The following KIAA1549 variants were observed in gnomAD, a reference collection of about 807,000 sequenced individuals.
KIAA1549 encodes the protein KIAA1549, also known as UPF0606 protein KIAA1549.
A neutral mutation model predicts 156.4 loss-of-function variants in KIAA1549; 70 were observed. That is an observed-to-expected ratio of 0.45 (90% CI 0.37 to 0.55). The LOEUF (loss-of-function observed/expected upper bound fraction) is 0.55. Ranked by LOEUF, KIAA1549 falls within the 20% of genes least tolerant of loss-of-function variation. KIAA1549 has a pLI of 0.00. For missense variants in KIAA1549, 2,428 were observed against 2,540.9 expected (o/e 0.96, Z 0.96); for synonymous variants, 1,103 against 1,066.4 (o/e 1.03, Z -0.67).
intron 1 of KIAA1549, among the ~76,000 whole-genome samples, chr7:138,927,438 G>C (rs1202876930): frequency 6.6e-6 from 1 of 152,220 alleles, no homozygotes; most frequent in African/African-American, 2.4e-5. Context: ...AAGAGATCGA[G>C]ACCATCCTGG....
At chr7:138,928,021 C>T (rs564981914) in intron 1 of KIAA1549, among the ~76,000 whole-genome samples, 82 of 149,476 alleles carry the variant, frequency 5.5e-4, no homozygotes, top group African/African-American at 1.5e-3. Context: ...CCTGGGTTCA[C>T]GCCATTCTCC....
At chr7:138,860,122 G>A (rs1810530235) in intron 16 of KIAA1549, among the ~76,000 whole-genome samples, 1 of 152,210 alleles carries the variant, frequency 6.6e-6, no homozygotes, top group South Asian at 2.1e-4. Context: ...GGTTTGTTCT[G>A]TACCATGCAT....
At chr7:138,921,289 T>C (rs1812556687) in intron 1 of KIAA1549, among the ~76,000 whole-genome samples, 1 of 152,228 alleles carries the variant, frequency 6.6e-6, no homozygotes, top group Non-Finnish European at 1.5e-5. Flanking sequence ...CTTTTCCCTG[T>C]TGAACTCTCC....
chr7:138,866,050 C>A (rs575641811), intron 15 of KIAA1549, among the ~76,000 whole-genome samples: 1 of 152,278 alleles, frequency 6.6e-6, no homozygotes, highest in African/African-American at 2.4e-5. Flanking sequence ...TGCCCAAATA[C>A]CCCCAGAACC....
At position 138,871,366 on chromosome 7, in the gene KIAA1549, G is replaced by C. The variant is rs1263156176; in HGVS notation, c.4346-4C>G. 1 of 1,507,956 alleles carries C rather than the reference G, an allele frequency of 6.6e-7. No individual in the cohort carries two copies. Among genetic ancestry groups the C allele is most frequent in the East Asian group, 2.4e-5 (1 of 41,630 alleles). The allele number at this position is 1,507,956 out of a possible 1,614,324, so 93.4% of individuals were successfully genotyped here. ...CCCGAACTGGGCAGTGGTGGCCCTG[G>C]AACAGAAGGAAAAGCAAAACACATA... On this transcript the variant is annotated splice_polypyrimidine_tract_variant and splice_region_variant and intron_variant, in intron 12 of 19. Transcript: ENST00000422774.
In KIAA1549 at chr7:138,864,380, C is replaced by T. The variant is rs564036486; in HGVS notation, c.4930-2924G>A. Among the ~76,000 whole-genome samples, 10 of 152,260 alleles carry T rather than the reference C, an allele frequency of 6.6e-5. No homozygotes were observed. In the South Asian group the frequency reaches 2.1e-3, roughly 32 times the overall value. On this transcript the variant is annotated intron_variant, in intron 15 of 19. Transcript: ENST00000422774. Reference sequence around the variant, plus strand: ...GACAGTCCCCTTGGATTCCCAATGGCCCCCGTGAATCCTGCCAGAAGGCCA... The same window carrying T: ...GACAGTCCCCTTGGATTCCCAATGGTCCCCGTGAATCCTGCCAGAAGGCCA...
rs894212606 is a variant in KIAA1549 at position 138,831,801 on chromosome 7, C to G, written c.*6105G>C. On this transcript the variant is annotated 3_prime_UTR_variant, in exon 20 of 20. Coordinates refer to ENST00000422774, the MANE Select transcript of KIAA1549 (RefSeq NM_001164665.2). The stretch of plus-strand genomic sequence containing the variant: ...CTCCAGGGCAGCTCTGCCGAGCAAC[C>G]TTTCCTATTAACGCTAGCCAGACTC... 52 of 232,462 alleles carry G rather than the reference C, an allele frequency of 2.2e-4. 1 individual carries two copies. The Admixed American group carries it at 2.7e-3, about 12-fold the overall frequency. 14.4% of individuals were successfully genotyped at this position (232,462 alleles called of 1,614,324 possible). A position where few individuals can be genotyped will look rare whatever the true frequency, so the allele number is the denominator to read the frequency against.
At position 138,861,050 on chromosome 7, in the gene KIAA1549, G is replaced by A. The variant is rs536572429; in HGVS notation, c.5247+89C>T. The A allele has an allele frequency of 1.1e-4, 139 of 1,316,282 alleles. 1 individual carries two copies. The highest frequency in any genetic ancestry group is 2.5e-4 in the Middle Eastern group (1 of 4,044). The allele number at this position is 1,316,282 out of a possible 1,614,324, so 81.5% of individuals were successfully genotyped here. A position where few individuals can be genotyped will look rare whatever the true frequency, so the allele number is the denominator to read the frequency against. ...TTTAATTCTTATCAAATGCAACCAC[G>A]GTTTTGTGCGGAGCCTGAAAGTCAG... On this transcript the variant is annotated intron_variant, in intron 16 of 19. Transcript: ENST00000422774.
intron 14 of KIAA1549, among the ~76,000 whole-genome samples, chr7:138,869,299 A>AACAC (rs1810850051): frequency 6.6e-6 from 1 of 152,232 alleles, no homozygotes; most frequent in Non-Finnish European, 1.5e-5. Flanking sequence ...CAGAGTTGAG[A>AACAC]ACAAAGCCAA....
intron 10 of KIAA1549, among the ~76,000 whole-genome samples, chr7:138,886,834 T>C (rs567254111): frequency 4.9e-4 from 74 of 152,312 alleles, no homozygotes; most frequent in Non-Finnish European, 7.2e-4. Flanking sequence ...AACCTGTTGT[T>C]CCACTGCATG....
chr7:138,949,025 G>A (rs1280875682), intron 1 of KIAA1549, among the ~76,000 whole-genome samples: 4 of 152,080 alleles, frequency 2.6e-5, no homozygotes, highest in African/African-American at 4.8e-5. Context: ...CCGTTTTTAC[G>A]GGGTCATGAG....
In KIAA1549 at chr7:138,881,882, T is replaced by C. The variant is rs537894713; in HGVS notation, c.4033-298A>G. Among the ~76,000 whole-genome samples the C allele has an allele frequency of 2.6e-5, 4 of 152,268 alleles. No individual in the cohort carries two copies. The South Asian group carries it at 6.2e-4, about 24-fold the overall frequency. ...TGTGGCAGGAGCAAGATATTCTTTA[T>C]AGGGTAATGGGGACCAAAGCCAGGC... On this transcript the variant is annotated intron_variant, in intron 10 of 19. Coordinates refer to ENST00000422774, the MANE Select transcript of KIAA1549 (RefSeq NM_001164665.2).
At chr7:138,949,296 C>T (rs771036108) in intron 1 of KIAA1549, among the ~76,000 whole-genome samples, 22 of 152,262 alleles carry the variant, frequency 1.4e-4, no homozygotes, top group Non-Finnish European at 2.1e-4. Context: ...TCACCATCAA[C>T]CCCTCCATGT....
At chr7:138,924,795 A>G (rs973292211) in intron 1 of KIAA1549, among the ~76,000 whole-genome samples, 17 of 152,294 alleles carry the variant, frequency 1.1e-4, no homozygotes, top group South Asian at 6.2e-4. Context: ...GAAAGGCGTC[A>G]GGGACTCTAA....
intron 1 of KIAA1549, among the ~76,000 whole-genome samples, chr7:138,926,189 C>T (rs1812712732): frequency 6.6e-6 from 1 of 152,216 alleles, no homozygotes; most frequent in South Asian, 2.1e-4. Context: ...AACAAGGGCT[C>T]CTGGCCCCCA....
intron 1 of KIAA1549, among the ~76,000 whole-genome samples, chr7:138,926,750 C>T (rs1164003223): frequency 6.6e-6 from 1 of 152,134 alleles, no homozygotes; most frequent in Non-Finnish European, 1.5e-5. Context: ...TATCTTCTAC[C>T]AAGTTACCTC....
intron 1 of KIAA1549, among the ~76,000 whole-genome samples, chr7:138,951,423 C>T (rs991463991): frequency 6.6e-6 from 1 of 152,162 alleles, no homozygotes; most frequent in Non-Finnish European, 1.5e-5. Context: ...TATTTCTTTT[C>T]CCTTCCCTTC....
chr7:138,872,508 T>C (rs1300298006), intron 12 of KIAA1549, among the ~76,000 whole-genome samples: 1 of 152,192 alleles, frequency 6.6e-6, no homozygotes, highest in Non-Finnish European at 1.5e-5. Context: ...GTAATAAGTA[T>C]TATTTTTACA....
chr7:138,941,009 CTTTAG>C (rs1813167954), intron 1 of KIAA1549, among the ~76,000 whole-genome samples: 1 of 151,884 alleles, frequency 6.6e-6, no homozygotes, highest in African/African-American at 2.4e-5. Flanking sequence ...TGCAGAAGCT[CTTTAG>C]TTTAATTAGA....
Sources: allele counts gnomAD v4.1 joint callset (sites outside exome capture counted in the v4.1 genomes callset), GRCh38; gene constraint gnomAD v4.1.1; transcripts MANE v1.5; gene names NCBI Gene and HGNC (gene_info 2026-07-23, HGNC 2026-07-21).